Variants in DCTN4 observed in about 807,000 individuals in gnomAD.
DCTN4 encodes the protein dynactin 4 (p62).
In DCTN4, 23 loss-of-function variants were observed where a neutral mutation model predicts 62.7. The observed-to-expected ratio is 0.37, with a 90% CI of 0.26 to 0.52. The LOEUF (loss-of-function observed/expected upper bound fraction) is 0.52, where lower values mean the gene tolerates loss of function less well. DCTN4 is among the 20% of genes least tolerant of loss of function. The pLI is 0.92. For missense variants in DCTN4, 514 were observed against 580.4 expected (o/e 0.89, Z 1.18); for synonymous variants, 199 against 202.1 (o/e 0.98, Z 0.13).
chr5:150,726,228 T>C lies in DCTN4; in HGVS notation c.835-3248A>G, dbSNP rs140255299. ...CAATTTTTAAAGAAGTCCTTGGAAA[T>C]TGGTATTGACAGTAAATCTCCTTAA... On this transcript the variant is annotated intron_variant, in intron 8 of 12. Transcript: ENST00000447998. Among the ~76,000 whole-genome samples, 6 of 152,324 alleles carry C rather than the reference T, an allele frequency of 3.9e-5. No homozygotes were observed. In the East Asian group the frequency reaches 9.6e-4, roughly 24 times the overall value.
intron 8 of DCTN4, among the ~76,000 whole-genome samples, chr5:150,728,665 T>C (rs931251115): frequency 1.3e-5 from 2 of 152,186 alleles, no homozygotes; most frequent in African/African-American, 4.8e-5. Flanking sequence ...AAAATTAGTG[T>C]TTGTCCAATA....
chr5:150,717,230 A>G (rs1759794092), intron 11 of DCTN4, among the ~76,000 whole-genome samples: 1 of 152,172 alleles, frequency 6.6e-6, no homozygotes, highest in Admixed American at 6.5e-5. Flanking sequence ...CACTGAGTCA[A>G]AATCACCTAC....
At chr5:150,740,460 A>G (rs1299267048) in intron 4 of DCTN4, among the ~76,000 whole-genome samples, 1 of 152,218 alleles carries the variant, frequency 6.6e-6, no homozygotes, top group Non-Finnish European at 1.5e-5. Flanking sequence ...GTGAGAATGT[A>G]AACTAGTACA....
At chr5:150,718,430 C>A in intron 10 of DCTN4, 47 bp from the exon 11 acceptor site, 1 of 1,417,492 alleles carries the variant, frequency 7.1e-7, no homozygotes, top group Non-Finnish European at 9.8e-7. Context: ...ACTTTCTTAG[C>A]TGCTATACCG....
chr5:150,713,339 C>T (rs75354733), intron 12 of DCTN4, among the ~76,000 whole-genome samples: 4 of 152,060 alleles, frequency 2.6e-5, no homozygotes, highest in African/African-American at 9.7e-5. Flanking sequence ...TGCTATCGAA[C>T]AACAAAACAA....
In DCTN4 at chr5:150,720,921, G is replaced by C. The variant is rs1305085550; in HGVS notation, c.909-1151C>G. On this transcript the variant is annotated intron_variant, in intron 9 of 12. Coordinates refer to ENST00000447998, the MANE Select transcript of DCTN4 (RefSeq NM_016221.4). ...TGTAATGAGTATAATTCTTAAGAAA[G>C]GAGTTCATCCCAGACTTCACAAGTG... is the stretch of plus-strand genomic sequence containing the variant. Among the ~76,000 whole-genome samples the C allele has an allele frequency of 3.9e-5, 6 of 152,294 alleles. No homozygotes were observed. The East Asian group carries it at 9.6e-4, about 24-fold the overall frequency.
intron 3 of DCTN4, among the ~76,000 whole-genome samples, chr5:150,751,463 G>A (rs1014883336): frequency 2.6e-5 from 4 of 151,982 alleles, no homozygotes; most frequent in Admixed American, 1.3e-4. Flanking sequence ...TTGGATTTCC[G>A]GGCTGTTTCT....
At chr5:150,747,299 C>G (rs1024834756) in intron 3 of DCTN4, among the ~76,000 whole-genome samples, 3 of 152,154 alleles carry the variant, frequency 2.0e-5, no homozygotes, top group Non-Finnish European at 1.5e-5. Flanking sequence ...AGGATACAAA[C>G]AAATGGAAGA....
rs201368512 is a variant in DCTN4 at position 150,742,502 on chromosome 5, C to T, written c.386-345G>A. Among the ~76,000 whole-genome samples, 48 of 152,236 alleles carry T rather than the reference C, an allele frequency of 3.2e-4. No homozygotes were observed. The East Asian group carries it at 3.5e-3, about 11-fold the overall frequency. On this transcript the variant is annotated intron_variant, in intron 3 of 12. Transcript: ENST00000447998. ...GTTAAATAACTTGCTCAAAGTCACA[C>T]GGAGAGTAAGTGGTAAAGCCAGGAT...
chr5:150,735,491 GGACTCTTTGCA>G (rs1288633520), intron 4 of DCTN4, among the ~76,000 whole-genome samples: 2 of 152,142 alleles, frequency 1.3e-5, no homozygotes, highest in African/African-American at 2.4e-5. Context: ...CTGCATCACT[GGACTCTTTGCA>G]GACACTCCCC....
intron 4 of DCTN4, among the ~76,000 whole-genome samples, chr5:150,737,201 AG>A (rs1760613928): frequency 6.6e-6 from 1 of 152,206 alleles, no homozygotes; most frequent in Non-Finnish European, 1.5e-5. Flanking sequence ...AGCACTAGAC[AG>A]GTCATCAAGA....
At chr5:150,713,835 G>C (rs373992154) in intron 12 of DCTN4, among the ~76,000 whole-genome samples, 2 of 151,952 alleles carry the variant, frequency 1.3e-5, no homozygotes, top group East Asian at 1.9e-4. Context: ...ACCGTAAATG[G>C]GCCAGGCATG....
intron 3 of DCTN4, among the ~76,000 whole-genome samples, chr5:150,750,933 C>T (rs1752648615): frequency 6.6e-6 from 1 of 152,106 alleles, no homozygotes; most frequent in Non-Finnish European, 1.5e-5. Context: ...ACGCAATTAC[C>T]TTGCTGAAGG....
chr5:150,722,414 A>AT (rs1759986912), intron 9 of DCTN4, among the ~76,000 whole-genome samples: 1 of 152,192 alleles, frequency 6.6e-6, no homozygotes, highest in Admixed American at 6.5e-5. Flanking sequence ...AGATAGCCTG[A>AT]TAGGTAGTTT....
At chr5:150,748,500 C>A (rs1216899444) in intron 3 of DCTN4, among the ~76,000 whole-genome samples, 2 of 150,684 alleles carry the variant, frequency 1.3e-5, no homozygotes, top group African/African-American at 4.9e-5. Flanking sequence ...ATGTTTATTG[C>A]GGCACTATTC....
At chr5:150,751,923 T>G (rs1752689757) in intron 3 of DCTN4, among the ~76,000 whole-genome samples, 1 of 152,176 alleles carries the variant, frequency 6.6e-6, no homozygotes, top group Non-Finnish European at 1.5e-5. Flanking sequence ...TGTGTAAGAA[T>G]CTATAGAAAG....
At chr5:150,712,620 T>A (rs995029864) in intron 12 of DCTN4, among the ~76,000 whole-genome samples, 5 of 152,208 alleles carry the variant, frequency 3.3e-5, no homozygotes, top group Admixed American at 1.3e-4. Flanking sequence ...AATAACTCAG[T>A]GCTTTAAGGG....
intron 1 of DCTN4, 152 bp from the exon 2 acceptor site, chr5:150,756,639 G>GTTTTT (rs35101821): frequency 1.4e-5 from 4 of 294,456 alleles, no homozygotes; most frequent in Admixed American, 5.3e-5. Flanking sequence ...TCAGTCACCT[G>GTTTTT]TTTTTTTTTT....
chr5:150,716,683 C>G (rs115382418), intron 11 of DCTN4, among the ~76,000 whole-genome samples: 3,075 of 152,092 alleles, frequency 0.02, 98 homozygotes, highest in African/African-American at 0.068. Flanking sequence ...ACTTTGGGAG[C>G]CCGAGGAAGG....
Sources: allele counts gnomAD v4.1 joint callset (sites outside exome capture counted in the v4.1 genomes callset), GRCh38; gene constraint gnomAD v4.1.1; transcripts MANE v1.5; gene names NCBI Gene and HGNC (gene_info 2026-07-23, HGNC 2026-07-21).